GRM1: variants seen among roughly 807,000 people sequenced by gnomAD.
GRM1 encodes glutamate metabotropic receptor 1.
In GRM1, 33 loss-of-function variants were observed where a neutral mutation model predicts 90.9. That is an observed-to-expected ratio of 0.36 (90% CI 0.28 to 0.49). The LOEUF (loss-of-function observed/expected upper bound fraction) is 0.49, where lower values mean the gene tolerates loss of function less well. GRM1 is among the 20% of genes least tolerant of loss of function. The pLI, the probability that GRM1 is intolerant of heterozygous loss-of-function variation, is 0.99. For missense variants in GRM1, 1,190 were observed against 1,534.3 expected, an observed-to-expected ratio of 0.78 and a Z score of 3.75; for synonymous variants, 700 against 613.2, an observed-to-expected ratio of 1.14 and a Z score of -2.09.
chr6:146,251,673 G>A (rs1007113939), intron 2 of GRM1, among the ~76,000 whole-genome samples: 1 of 152,108 alleles, frequency 6.6e-6, no homozygotes, highest in Admixed American at 6.5e-5. Context: ...TTGGGCGCAC[G>A]GATAAGGGCA....
chr6:146,365,125 T>G (rs1440691812), intron 5 of GRM1: 1 of 152,188 alleles, frequency 6.6e-6, no homozygotes, highest in Non-Finnish European at 1.5e-5. Flanking sequence ...AATCTTGTAC[T>G]TGAGAAGTCT....
At chr6:146,033,508 A>C (rs971452735) in intron 1 of GRM1, among the ~76,000 whole-genome samples, 1 of 152,102 alleles carries the variant, frequency 6.6e-6, no homozygotes, top group African/African-American at 2.4e-5. Flanking sequence ...ATTTTTTTTG[A>C]GTGGATAAAT....
chr6:146,152,558 T>C (rs1777378267), intron 1 of GRM1, among the ~76,000 whole-genome samples: 1 of 152,092 alleles, frequency 6.6e-6, no homozygotes, highest in African/African-American at 2.4e-5. Flanking sequence ...CACCACTGTG[T>C]CCCTTTGGGT....
rs758809498 is a variant in GRM1 at position 146,029,535 on chromosome 6, G to GT, written c.26dup (p.Ala11SerfsTer78). The GT allele has an allele frequency of 6.2e-6, 10 of 1,612,936 alleles. No individual in the cohort carries two copies. Among genetic ancestry groups the GT allele is most frequent in the South Asian group, 1.1e-5 (1 of 91,028 alleles). On this transcript the variant is annotated frameshift_variant, in exon 1 of 8. Coordinates refer to ENST00000282753, the MANE Select transcript of GRM1 (RefSeq NM_001278064.2). LOFTEE classifies it high-confidence loss of function. ...TCACCACCATGGTCGGGCTCCTTTT[G>GT]TTTTTTTTCCCAGCGATCTTTTTGG...
chr6:146,188,737 C>A (rs1300725403), intron 2 of GRM1, among the ~76,000 whole-genome samples: 2 of 152,118 alleles, frequency 1.3e-5, no homozygotes, highest in African/African-American at 4.8e-5. Flanking sequence ...GCTTATTTTC[C>A]ATCTCCCAGC....
rs373684221 is a variant in GRM1 at position 146,399,313 on chromosome 6, C to T, written c.2274C>T (p.Gly758=). The part of the protein sequence containing the change: ...TSNLGVVAPL[G]YNGLLIMSCT... Reference sequence around the variant, plus strand: ...ACCTGGGTGTGGTGGCCCCTTTGGGCTACAATGGACTCCTCATCATGAGCT... The same window carrying T: ...ACCTGGGTGTGGTGGCCCCTTTGGGTTACAATGGACTCCTCATCATGAGCT... The change falls in exon 7 of 8, where the codon GGC becomes GGT. Residue 758 remains glycine, a synonymous_variant. Transcript: ENST00000282753. This position sits in a 1 kb window ranked among gnomAD's most constrained non-coding sequence, Gnocchi z 5.4. 3 of 1,614,026 alleles carry T rather than the reference C, an allele frequency of 1.9e-6. No individual in the cohort carries two copies. The African/African-American group carries it at 4.0e-5, about 22-fold the overall frequency.
chr6:146,434,198 C>T lies in GRM1; in HGVS notation c.2987C>T (p.Thr996Ile). ...ATTPPLPSHL[T>I]AEETPLFLAE... is the part of the protein sequence containing the mutation. ...ACTCCGCCTCTGCCGTCCCACCTGA[C>T]CGCAGAGGAGACCCCCCTCTTCCTG... is the stretch of plus-strand genomic sequence containing the variant. Residue 996 changes from threonine (T) to isoleucine (I), a missense_variant, in exon 8 of 8, where the codon ACC (threonine) becomes ATC (isoleucine). Transcript: ENST00000282753. 2 of 1,611,808 alleles carry T rather than the reference C, an allele frequency of 1.2e-6. No individual in the cohort carries two copies. The highest frequency in any genetic ancestry group is 1.7e-6 in the Non-Finnish European group (2 of 1,178,266).
chr6:146,143,531 T>C (rs1248722091), intron 1 of GRM1, among the ~76,000 whole-genome samples: 3 of 152,210 alleles, frequency 2.0e-5, no homozygotes, highest in Non-Finnish European at 4.4e-5. Flanking sequence ...TTTTGTCATA[T>C]GTTGGGTGTT....
At chr6:146,091,686 G>C (rs1037193358) in intron 1 of GRM1, among the ~76,000 whole-genome samples, 2 of 152,076 alleles carry the variant, frequency 1.3e-5, no homozygotes, top group Non-Finnish European at 2.9e-5. Context: ...TTAGTAGCTA[G>C]AGTGATGAAG....
At chr6:146,119,617 C>A (rs529768350) in intron 1 of GRM1, among the ~76,000 whole-genome samples, 16 of 152,180 alleles carry the variant, frequency 1.1e-4, no homozygotes, top group South Asian at 4.1e-4. Flanking sequence ...TAATTTTTGT[C>A]TAAGGTGTAA....
At chr6:146,364,920 G>A (rs927574834) in intron 5 of GRM1, 3 of 151,986 alleles carry the variant, frequency 2.0e-5, no homozygotes, top group Admixed American at 1.3e-4. Context: ...ATCTTCAGCC[G>A]TAACTGTCAC....
At chr6:146,286,050 T>A (rs560275864) in intron 2 of GRM1, among the ~76,000 whole-genome samples, 19 of 152,168 alleles carry the variant, frequency 1.2e-4, no homozygotes, top group Non-Finnish European at 2.6e-4. Context: ...TCAAACTAAG[T>A]TATACTGTCA....
intron 1 of GRM1, among the ~76,000 whole-genome samples, chr6:146,156,929 A>G (rs1019617871): frequency 1.3e-5 from 2 of 152,198 alleles, no homozygotes; most frequent in Non-Finnish European, 2.9e-5. Context: ...TAGATTTGCA[A>G]GGTAGAGAAG....
At chr6:146,250,365 G>T (rs1278951005) in intron 2 of GRM1, among the ~76,000 whole-genome samples, 1 of 152,158 alleles carries the variant, frequency 6.6e-6, no homozygotes, top group African/African-American at 2.4e-5. Flanking sequence ...AACCTAGTGG[G>T]AGGTGACCAG....
At chr6:146,031,808 G>A (rs1016166270) in intron 1 of GRM1, among the ~76,000 whole-genome samples, 11 of 152,162 alleles carry the variant, frequency 7.2e-5, no homozygotes, top group Non-Finnish European at 1.6e-4. Context: ...GTTAAAATGT[G>A]TTAAATATCA....
At chr6:146,173,651 AT>A (rs1239597597) in intron 2 of GRM1, among the ~76,000 whole-genome samples, 3 of 146,148 alleles carry the variant, frequency 2.1e-5, no homozygotes, top group South Asian at 2.1e-4. Flanking sequence ...TTGCAGAATA[AT>A]TTTTTTCCTG....
intron 3 of GRM1, among the ~76,000 whole-genome samples, chr6:146,339,391 T>C (rs1306636052): frequency 6.6e-6 from 1 of 152,172 alleles, no homozygotes; most frequent in Admixed American, 6.5e-5. Context: ...CTTTTCCCTT[T>C]CATTTTTTCC....
intron 2 of GRM1, among the ~76,000 whole-genome samples, chr6:146,247,429 A>G (rs1267383674): frequency 6.6e-6 from 1 of 152,140 alleles, no homozygotes; most frequent in African/African-American, 2.4e-5. Flanking sequence ...GCTACTTTAG[A>G]GGAATCAATG....
chr6:146,031,285 C>T (rs1369862473), intron 1 of GRM1, among the ~76,000 whole-genome samples: 1 of 152,160 alleles, frequency 6.6e-6, no homozygotes. Flanking sequence ...GGACAATTCA[C>T]ATGTATAAGC....
Sources: gnomAD v4.1 joint callset for allele counts (sites outside exome capture counted in the v4.1 genomes callset) on GRCh38, gnomAD v4.1.1 for gene constraint, Gnocchi (gnomAD v3.1) non-coding constraint, MANE v1.5 for transcripts, NCBI Gene and HGNC (gene_info 2026-07-23, HGNC 2026-07-21) for gene names.